The following PRKG1 variants were observed in gnomAD, a reference collection of about 807,000 sequenced individuals.
PRKG1 encodes the protein cGMP-dependent protein kinase 1.
Under a neutral mutation model 88.1 loss-of-function variants are expected in PRKG1, and 35 were observed. The ratio of observed to expected loss-of-function variants is 0.40; its 90% confidence interval spans 0.30 to 0.53. The LOEUF is 0.53. Ranked by LOEUF, PRKG1 falls within the 20% of genes least tolerant of loss-of-function variation. The pLI is 0.59. For synonymous variants in PRKG1, 303 were observed against 292.5 expected (o/e 1.04, Z -0.37); for missense variants, 540 against 839.8 (o/e 0.64, Z 4.41).
intron 3 of PRKG1, among the ~76,000 whole-genome samples, chr10:51,563,603 CA>C (rs1837526618): frequency 6.7e-6 from 1 of 149,380 alleles, no homozygotes; most frequent in African/African-American, 2.5e-5. Flanking sequence ...ACAACAGCAA[CA>C]GAACGTTTGT....
At chr10:51,035,976 G>A (rs1843348843) in intron 1 of PRKG1, among the ~76,000 whole-genome samples, 1 of 151,970 alleles carries the variant, frequency 6.6e-6, no homozygotes, top group Non-Finnish European at 1.5e-5. Context: ...TATTTGTCCA[G>A]GTAATTACAT....
At chr10:51,384,414 G>A (rs776222650) in intron 2 of PRKG1, among the ~76,000 whole-genome samples, 4 of 152,146 alleles carry the variant, frequency 2.6e-5, no homozygotes, top group Non-Finnish European at 5.9e-5. Flanking sequence ...GCAGAGTGGC[G>A]TGGGAGATTC....
intron 2 of PRKG1, among the ~76,000 whole-genome samples, chr10:51,398,571 G>A (rs1422404537): frequency 6.6e-6 from 1 of 152,212 alleles, no homozygotes; most frequent in African/African-American, 2.4e-5. Flanking sequence ...GGCTTTGAGA[G>A]CTAACTGGAT....
In PRKG1 at chr10:51,322,586, C is replaced by T. The variant is rs936417520; in HGVS notation, c.479-145137C>T. Among the ~76,000 whole-genome samples, 8 of 152,170 alleles carry T rather than the reference C, an allele frequency of 5.3e-5. No individual in the cohort carries two copies. In the East Asian group the frequency reaches 1.2e-3, roughly 22 times the overall value. Reference sequence around the variant, plus strand: ...CAATAACTACACTTTCACTAGCATACGTTCTAGCATTTTCTGAGGCCTATG... The same window carrying T: ...CAATAACTACACTTTCACTAGCATATGTTCTAGCATTTTCTGAGGCCTATG... On this transcript the variant is annotated intron_variant, in intron 2 of 17. Transcript: ENST00000373980.
At chr10:51,184,780 G>T (rs575817007) in intron 2 of PRKG1, among the ~76,000 whole-genome samples, 1 of 151,852 alleles carries the variant, frequency 6.6e-6, no homozygotes, top group African/African-American at 2.4e-5. Flanking sequence ...GCAACTCTTC[G>T]ACCCATCTTT....
chr10:51,625,305 C>A (rs1439245027), intron 3 of PRKG1, among the ~76,000 whole-genome samples: 2 of 151,928 alleles, frequency 1.3e-5, no homozygotes, highest in Non-Finnish European at 2.9e-5. Flanking sequence ...GGTGAAACCC[C>A]ATCTCTATTA....
intron 9 of PRKG1, among the ~76,000 whole-genome samples, chr10:52,249,933 C>CGTG (rs1564532297): frequency 6.6e-6 from 1 of 152,162 alleles, no homozygotes; most frequent in Non-Finnish European, 1.5e-5. Context: ...TATTCAACAA[C>CGTG]GATCTCATTA....
intron 2 of PRKG1, among the ~76,000 whole-genome samples, chr10:51,222,632 A>G (rs1838572769): frequency 6.6e-6 from 1 of 152,164 alleles, no homozygotes; most frequent in Admixed American, 6.5e-5. Context: ...TAGAGGTAAC[A>G]CTGAGAAATT....
intron 2 of PRKG1, among the ~76,000 whole-genome samples, chr10:51,190,315 G>A (rs761414152): frequency 2.5e-4 from 38 of 151,882 alleles, no homozygotes. Context: ...GAAAATTATT[G>A]CACTGAGGTC....
chr10:51,655,084 TTTA>T (rs1314795535), intron 3 of PRKG1, among the ~76,000 whole-genome samples: 2 of 152,316 alleles, frequency 1.3e-5, no homozygotes, highest in East Asian at 3.9e-4. Flanking sequence ...GTGCACATGA[TTTA>T]TTATAACCGT....
chr10:52,056,942 AAT>A (rs1846124785), intron 6 of PRKG1, among the ~76,000 whole-genome samples: 1 of 152,222 alleles, frequency 6.6e-6, no homozygotes, highest in East Asian at 1.9e-4. Flanking sequence ...AGAGGTGAAT[AAT>A]AAGAGAGTAG....
intron 9 of PRKG1, among the ~76,000 whole-genome samples, chr10:52,179,957 G>T (rs1314307917): frequency 2.2e-4 from 34 of 152,194 alleles, no homozygotes; most frequent in Admixed American, 2.2e-3. Flanking sequence ...AAAGTGCTGG[G>T]ATTACAGGCG....
chr10:52,081,372 T>C (rs1268632282), intron 7 of PRKG1, among the ~76,000 whole-genome samples: 1 of 152,130 alleles, frequency 6.6e-6, no homozygotes, highest in African/African-American at 2.4e-5. Flanking sequence ...GCAGGGTTCA[T>C]ATAAGTGTTA....
chr10:51,889,510 A>T (rs917826134), intron 4 of PRKG1, among the ~76,000 whole-genome samples: 7 of 152,126 alleles, frequency 4.6e-5, no homozygotes, highest in African/African-American at 1.7e-4. Context: ...TAGTGCCACA[A>T]TAGACATACA....
At chr10:51,777,535 C>T (rs989335254) in intron 3 of PRKG1, among the ~76,000 whole-genome samples, 2 of 152,060 alleles carry the variant, frequency 1.3e-5, no homozygotes, top group Admixed American at 1.3e-4. Context: ...TCCCTTCCCC[C>T]ACACATGCAT....
intron 3 of PRKG1, among the ~76,000 whole-genome samples, chr10:51,660,445 G>GA (rs960398146): frequency 5.9e-4 from 80 of 135,944 alleles, no homozygotes; most frequent in Middle Eastern, 7.4e-3. Flanking sequence ...CTTTTGGGCA[G>GA]AAAAAAAAAA....
At chr10:51,805,871 G>A (rs1274875900) in intron 4 of PRKG1, among the ~76,000 whole-genome samples, 1 of 152,076 alleles carries the variant, frequency 6.6e-6, no homozygotes, top group African/African-American at 2.4e-5. Flanking sequence ...ATTAATTACT[G>A]TCAGCAGGGT....
intron 5 of PRKG1, among the ~76,000 whole-genome samples, chr10:51,968,830 AAAAAAAAG>A: frequency 6.7e-6 from 1 of 150,176 alleles, no homozygotes; most frequent in Non-Finnish European, 1.5e-5. Flanking sequence ...CAAAAAAAAA[AAAAAAAAG>A]AAAAAAGAAA....
intron 3 of PRKG1, among the ~76,000 whole-genome samples, chr10:51,745,983 A>G (rs561078906): frequency 6.6e-6 from 1 of 152,266 alleles, no homozygotes; most frequent in South Asian, 2.1e-4. Flanking sequence ...TTGCTCGACT[A>G]CAGGCACATG....
Sources: allele counts gnomAD v4.1 joint callset (sites outside exome capture counted in the v4.1 genomes callset), GRCh38; gene constraint gnomAD v4.1.1; transcripts MANE v1.5; gene names NCBI Gene and HGNC (gene_info 2026-07-23, HGNC 2026-07-21).